Variants in PCDHA9 observed in about 807,000 individuals in gnomAD.
PCDHA9 encodes the protein protocadherin alpha 9.
PCDHA9 carries 62 observed loss-of-function variants against 62.0 expected under a neutral mutation model. The ratio of observed to expected loss-of-function variants is 1.00; its 90% CI spans 0.81 to 1.23. The LOEUF is 1.23. Ranked by LOEUF, PCDHA9 falls within the 50% of genes most tolerant of loss-of-function variation. The probability of loss-of-function intolerance (pLI) is 0.00; values close to 1 mark genes in which losing one functional copy is unlikely to be tolerated. For missense variants in PCDHA9, 1,205 were observed against 1,249.8 expected (o/e 0.96, Z 0.54); for synonymous variants, 557 against 567.6 (o/e 0.98, Z 0.27).
chr5:141,005,701 CAAAAA>C (rs59860837), intron 3 of PCDHA9, among the ~76,000 whole-genome samples: 1 of 7,786 alleles, frequency 1.3e-4, no homozygotes, highest in Non-Finnish European at 2.7e-4. Context: ...AACTCCGTCT[CAAAAA>C]AAAAAAAAAA....
rs564801749 is a variant in PCDHA9, at chr5:140,919,703, A to G, written c.2395-59246A>G. Among the ~76,000 whole-genome samples the G allele has an allele frequency of 6.4e-4, 98 of 152,318 alleles. No individual in the cohort carries two copies. In the South Asian group the frequency reaches 0.011, roughly 16 times the overall value. ...TCTGCTTCAGATTTATATTAACTTA[A>G]TTCTAGTGAGATATAAATATGTTAC... On this transcript the variant is annotated intron_variant, in intron 1 of 3. Transcript: ENST00000532602.
intron 1 of PCDHA9, chr5:140,852,843 A>G (rs2042491535): frequency 1.0e-6 from 1 of 969,432 alleles, no homozygotes; most frequent in Non-Finnish European, 1.2e-6. Context: ...TAGAGCTAGT[A>G]CTTACTAAGC....
chr5:140,945,927 G>A (rs1036727708), intron 1 of PCDHA9, among the ~76,000 whole-genome samples: 1 of 152,038 alleles, frequency 6.6e-6, no homozygotes, highest in East Asian at 1.9e-4. Flanking sequence ...ACTGATCTGA[G>A]CAATGATGTT....
At chr5:140,969,578 G>A (rs2096343344) in intron 1 of PCDHA9, 2 of 957,378 alleles carry the variant, frequency 2.1e-6, no homozygotes, top group Admixed American at 5.9e-5. Context: ...TGAGAAGTGA[G>A]GATTAGTCTT....
chr5:140,941,214 C>CTTCCTTTCTTTCTTTCTTT (rs1554214039), intron 1 of PCDHA9, among the ~76,000 whole-genome samples: 1 of 122,414 alleles, frequency 8.2e-6, no homozygotes, highest in Non-Finnish European at 1.7e-5. Context: ...TTTCTTTCTT[C>CTTCCTTTCTTTCTTTCTTT]CTTTCTTTCT....
At chr5:140,875,375 A>C in intron 1 of PCDHA9, 2 of 1,456,838 alleles carry the variant, frequency 1.4e-6, no homozygotes, top group East Asian at 5.0e-5. Flanking sequence ...AATTTACTAA[A>C]TATGTACTTA....
intron 1 of PCDHA9, among the ~76,000 whole-genome samples, chr5:140,887,146 G>A (rs1160453059): frequency 9.9e-5 from 15 of 151,600 alleles, no homozygotes; most frequent in Non-Finnish European, 2.1e-4. Context: ...GCCCAGGCTG[G>A]AGTACAGTGG....
intron 1 of PCDHA9, chr5:140,966,281 G>C (rs1261464121): frequency 8.2e-5 from 30 of 366,710 alleles, no homozygotes; most frequent in Non-Finnish European, 1.3e-4. Flanking sequence ...TGGACAGTGG[G>C]GGTAGGGAGA....
chr5:140,994,667 T>G (rs2097644091), intron 3 of PCDHA9, among the ~76,000 whole-genome samples: 1 of 152,140 alleles, frequency 6.6e-6, no homozygotes, highest in Non-Finnish European at 1.5e-5. Flanking sequence ...ATCACACTAC[T>G]GCACTCCAGC....
intron 1 of PCDHA9, among the ~76,000 whole-genome samples, chr5:140,934,231 C>T (rs2089713851): frequency 6.6e-6 from 1 of 152,014 alleles, no homozygotes; most frequent in African/African-American, 2.4e-5. Context: ...AAGATTTGTA[C>T]TTAATTGTGG....
rs2098421437 is a variant in PCDHA9, at chr5:141,011,660, T to G, written c.*1723T>G. The G allele has an allele frequency of 6.5e-6, 1 of 153,726 alleles. No individual in the cohort carries two copies. Among genetic ancestry groups the G allele is most frequent in the African/African-American group, 2.4e-5 (1 of 41,436 alleles). The allele number at this position is 153,726 out of a possible 1,614,324, so 9.5% of individuals were successfully genotyped here. On this transcript the variant is annotated 3_prime_UTR_variant, in exon 4 of 4. Coordinates refer to ENST00000532602, the MANE Select transcript of PCDHA9 (RefSeq NM_031857.2). ...GCCAAGACTTCTGCTGGCAAGGGAATGGATAAAGCTGTTTTGTTCTAGTAA... is the reference window on the plus strand; with the variant it reads ...GCCAAGACTTCTGCTGGCAAGGGAAGGGATAAAGCTGTTTTGTTCTAGTAA...
chr5:141,001,213 A>G (rs2097997873), intron 3 of PCDHA9, among the ~76,000 whole-genome samples: 1 of 152,154 alleles, frequency 6.6e-6, no homozygotes, highest in African/African-American at 2.4e-5. Context: ...TGTGCTGTAT[A>G]AGGATAGTTA....
chr5:140,909,801 T>C (rs1462008196), intron 1 of PCDHA9, among the ~76,000 whole-genome samples: 1 of 152,134 alleles, frequency 6.6e-6, no homozygotes, highest in African/African-American at 2.4e-5. Context: ...AGACTTCAGC[T>C]AAAACTCCAT....
chr5:140,892,733 C>G lies in PCDHA9; in HGVS notation c.2394+41844C>G, dbSNP rs183181952. Reference sequence around the variant, plus strand: ...CATATTCATAATCTCAAACATTTACCATTTTTGCATGGTGAACATTTAAAA... The same window carrying G: ...CATATTCATAATCTCAAACATTTACGATTTTTGCATGGTGAACATTTAAAA... On this transcript the variant is annotated intron_variant, in intron 1 of 3. Coordinates refer to ENST00000532602, the MANE Select transcript of PCDHA9 (RefSeq NM_031857.2). Among the ~76,000 whole-genome samples the G allele has an allele frequency of 8.1e-4, 123 of 152,172 alleles. No individual in the cohort carries two copies. In the Middle Eastern group the frequency reaches 0.02, roughly 25 times the overall value.
At chr5:140,969,957 G>A (rs1554232176) in intron 1 of PCDHA9, among the ~76,000 whole-genome samples, 1 of 152,178 alleles carries the variant, frequency 6.6e-6, no homozygotes, top group East Asian at 1.9e-4. Flanking sequence ...AGTTTGCTTT[G>A]GCTGTATGAT....
intron 1 of PCDHA9, chr5:140,875,764 C>A (rs782377276): frequency 6.2e-7 from 1 of 1,614,196 alleles, no homozygotes; most frequent in Non-Finnish European, 8.5e-7. Flanking sequence ...GCTGTGCGGG[C>A]GGAGCGCGGA....
At chr5:140,924,765 C>T (rs574213548) in intron 1 of PCDHA9, among the ~76,000 whole-genome samples, 2 of 151,640 alleles carry the variant, frequency 1.3e-5, no homozygotes, top group Non-Finnish European at 2.9e-5. Context: ...CATGGTGGTG[C>T]GCGCTTGTAG....
rs139974024 is a variant in PCDHA9 at position 140,967,301 on chromosome 5, G to A, written c.2395-11648G>A. 5.0e-5 allele frequency: 81 copies of A among 1,612,148 alleles called. No homozygotes were observed. In the African/African-American group the frequency reaches 9.1e-4, roughly 18 times the overall value. ...GAGTGCGCAGGACCCCGACGTGGGC[G>A]CCAACTCAGTACAGACCTACGAGCT... On this transcript the variant is annotated intron_variant, in intron 1 of 3. Coordinates refer to ENST00000532602, the MANE Select transcript of PCDHA9 (RefSeq NM_031857.2).
chr5:140,966,726 C>T, intron 1 of PCDHA9: 3 of 1,402,206 alleles, frequency 2.1e-6, no homozygotes, highest in Non-Finnish European at 1.8e-6. Flanking sequence ...GAAGCTGCCG[C>T]CTCCGGCCCT....
Sources: allele counts gnomAD v4.1 joint callset (sites outside exome capture counted in the v4.1 genomes callset), GRCh38; gene constraint gnomAD v4.1.1; transcripts MANE v1.5; gene names NCBI Gene and HGNC (gene_info 2026-07-23, HGNC 2026-07-21).